URB2: variants seen among roughly 807,000 people sequenced by gnomAD.
URB2 encodes the protein URB2 ribosome biogenesis homolog.
A neutral mutation model predicts 120.9 loss-of-function variants in URB2; 86 were observed. The ratio of observed to expected loss-of-function variants is 0.71; its 90% CI spans 0.60 to 0.85. URB2 has a LOEUF of 0.85. Ranked by LOEUF, URB2 falls within the 40% of genes least tolerant of loss-of-function variation. The pLI is 0.00. For synonymous variants in URB2, 755 were observed against 758.4 expected, an observed-to-expected ratio of 1.00 and a Z score of 0.07; for missense variants, 1,765 against 1,836.5, an observed-to-expected ratio of 0.96 and a Z score of 0.71.
At chr1:229,658,784 A>C (rs542156877) in intron 9 of URB2, among the ~76,000 whole-genome samples, 1 of 152,188 alleles carries the variant, frequency 6.6e-6, no homozygotes, top group South Asian at 2.1e-4. Flanking sequence ...CCAGTTTTTT[A>C]AAATGCCCCT....
intron 4 of URB2, among the ~76,000 whole-genome samples, chr1:229,641,293 A>G (rs1666006769): frequency 1.3e-5 from 2 of 152,168 alleles, no homozygotes; most frequent in Non-Finnish European, 1.5e-5. Flanking sequence ...GATTACAGGC[A>G]TAAGCCACCG....
chr1:229,638,654 A>G (rs1247600718), intron 4 of URB2, among the ~76,000 whole-genome samples: 1 of 151,968 alleles, frequency 6.6e-6, no homozygotes, highest in Non-Finnish European at 1.5e-5. Context: ...TCAAAAAAAA[A>G]AAAAAGTACT....
In URB2 at chr1:229,647,575, T is replaced by C. The variant is rs530345106; in HGVS notation, c.3972T>C (p.Asp1324=). Residue 1324 remains aspartate (D), a synonymous_variant, in exon 7 of 10, where the codon GAT becomes GAC. Transcript: ENST00000258243. ...VSLTVVGPVL[D]VLAALLRQGE... ...TCACAGTGGTCGGGCCTGTCTTAGA[T>C]GTCCTGGCTGCACTGCTGCGGCAGG... 7 of 1,614,220 alleles carry C rather than the reference T, an allele frequency of 4.3e-6. No homozygotes were observed. The highest frequency in any genetic ancestry group is 3.3e-5 in the South Asian group (3 of 91,082).
chr1:229,627,545 A>G, intron 1 of URB2, 76 bp from the exon 2 acceptor site: 4 of 1,412,174 alleles, frequency 2.8e-6, no homozygotes, highest in Non-Finnish European at 2.9e-6. Flanking sequence ...CAGTACTGCA[A>G]TACTGTTGGT....
At chr1:229,634,876 T>G in intron 3 of URB2, 41 bp from the exon 4 acceptor site, 2 of 1,498,528 alleles carry the variant, frequency 1.3e-6, no homozygotes, top group Non-Finnish European at 1.8e-6. Context: ...ATGTATGGGT[T>G]TAAGGTCAGT....
chr1:229,654,132 T>A, intron 8 of URB2, 117 bp from the exon 9 acceptor site: 2 of 1,453,398 alleles, frequency 1.4e-6, no homozygotes, highest in Non-Finnish European at 1.9e-6. Context: ...AATTAAAGAG[T>A]CTGGGAAAAC....
chr1:229,639,336 C>CTT (rs200235230), intron 4 of URB2, among the ~76,000 whole-genome samples: 4,550 of 135,070 alleles, frequency 0.034, 285 homozygotes, highest in African/African-American at 0.11. Flanking sequence ...CACTTAATTT[C>CTT]TTTTTTTTTT....
In URB2 at chr1:229,652,798, A is replaced by C. The variant is rs532410608; in HGVS notation, c.4238-1451A>C. Among the ~76,000 whole-genome samples the C allele has an allele frequency of 3.6e-3, 551 of 152,358 alleles. 5 individuals carry two copies. Among genetic ancestry groups the C allele is most frequent in the African/African-American group, 0.013 (524 of 41,586 alleles). ...GCCTTGCTCAGCAGTGGTGGAGCAC[A>C]GCCTGGTCACACTGCCACAGGCATG... On this transcript the variant is annotated intron_variant, in intron 8 of 9. Coordinates refer to ENST00000258243, the MANE Select transcript of URB2 (RefSeq NM_014777.4).
Position 229,635,370 on chromosome 1 carries a change from TC to T in URB2, c.759del (p.Tyr254ThrfsTer13). The T allele has an allele frequency of 6.2e-7, 1 of 1,614,102 alleles. No individual in the cohort carries two copies. Among genetic ancestry groups the T allele is most frequent in the Non-Finnish European group, 8.5e-7 (1 of 1,179,994 alleles). On this transcript the variant is annotated frameshift_variant, in exon 4 of 10. Transcript: ENST00000258243. LOFTEE classifies it high-confidence loss of function. ...GGIFQPELLS[S>X]YKEGLLDQQQ... is the part of the protein sequence containing the mutation. ...GATTTTTCAGCCTGAGCTACTGTCA[TC>T]CTACAAGGAGGGGCTCTTGGACCAG...
chr1:229,650,696 G>C (rs1039168260), intron 7 of URB2, among the ~76,000 whole-genome samples: 13 of 152,152 alleles, frequency 8.5e-5, no homozygotes, highest in African/African-American at 2.7e-4. Context: ...CTCCCAAAGT[G>C]CTGGGATTAT....
In URB2 at chr1:229,635,384, G is replaced by T. The variant is rs115127459; in HGVS notation, c.771G>T (p.Gly257=). 2 of 1,614,130 alleles carry T rather than the reference G, an allele frequency of 1.2e-6. No individual in the cohort carries two copies. Among genetic ancestry groups the T allele is most frequent in the East Asian group, 4.5e-5 (2 of 44,890 alleles). The change falls in exon 4 of 10, where the codon GGG becomes GGT. Residue 257 remains glycine (G), a synonymous_variant. Coordinates refer to ENST00000258243, the MANE Select transcript of URB2 (RefSeq NM_014777.4). The part of the protein sequence containing the change: ...QPELLSSYKE[G]LLDQQQGDVK... Reference sequence around the variant, plus strand: ...AGCTACTGTCATCCTACAAGGAGGGGCTCTTGGACCAGCAGCAAGGGGATG... The same window carrying T: ...AGCTACTGTCATCCTACAAGGAGGGTCTCTTGGACCAGCAGCAAGGGGATG...
chr1:229,647,669 G>T lies in URB2; in HGVS notation c.4066G>T (p.Asp1356Tyr), dbSNP rs1318481678. ...AFSILLTVPL[D>Y]HLKPLEYGSV... ...CAGCATCCTTCTCACTGTCCCTTTG[G>T]ACCATCTGAAGCCGCTGGAGTATGG... Residue 1356 changes from aspartate (D) to tyrosine (Y), a missense_variant, in exon 7 of 10, where the codon GAC becomes TAC. Transcript: ENST00000258243. The T allele has an allele frequency of 6.2e-7, 1 of 1,613,962 alleles. No individual in the cohort carries two copies. The highest frequency in any genetic ancestry group is 8.5e-7 in the Non-Finnish European group (1 of 1,180,028).
chr1:229,632,947 T>C (rs978576926), intron 3 of URB2, among the ~76,000 whole-genome samples: 1 of 152,176 alleles, frequency 6.6e-6, no homozygotes, highest in Non-Finnish European at 1.5e-5. Flanking sequence ...AGGAACTTCA[T>C]TGTCAAAACT....
At chr1:229,655,346 G>C (rs1295451463) in intron 9 of URB2, among the ~76,000 whole-genome samples, 1 of 152,272 alleles carries the variant, frequency 6.6e-6, no homozygotes, top group East Asian at 1.9e-4. Context: ...TGATTCTTCT[G>C]CCTCAGCCCC....
chr1:229,629,438 G>A (rs1289536416), intron 2 of URB2, among the ~76,000 whole-genome samples: 3 of 152,242 alleles, frequency 2.0e-5, no homozygotes, highest in African/African-American at 7.2e-5. Flanking sequence ...TGCAGGTTTG[G>A]TTCCACGTCA....
intron 9 of URB2, among the ~76,000 whole-genome samples, chr1:229,656,785 A>G (rs1193701724): frequency 6.6e-6 from 1 of 152,192 alleles, no homozygotes; most frequent in Non-Finnish European, 1.5e-5. Context: ...CCAAGCAGTA[A>G]TGAGTCCCCA....
At chr1:229,633,726 A>C (rs1458155573) in intron 3 of URB2, among the ~76,000 whole-genome samples, 1 of 152,232 alleles carries the variant, frequency 6.6e-6, no homozygotes, top group East Asian at 1.9e-4. Flanking sequence ...TGAATTATAG[A>C]ATCTGCCTGA....
At position 229,636,469 on chromosome 1, in the gene URB2, T is replaced by C. The variant is rs552443163; in HGVS notation, c.1856T>C (p.Met619Thr). The C allele has an allele frequency of 4.3e-6, 7 of 1,614,242 alleles. No individual in the cohort carries two copies. Among genetic ancestry groups the C allele is most frequent in the South Asian group, 3.3e-5 (3 of 91,086 alleles). The change falls in exon 4 of 10, where the codon ATG becomes ACG. Residue 619 changes from methionine to threonine, a missense_variant. Transcript: ENST00000258243. ...TACACTTGGGCCCAGGTGGACGCTATGTTCAGTTTGAACTGTAGCCAGTAT... is the reference window on the plus strand; with the variant it reads ...TACACTTGGGCCCAGGTGGACGCTACGTTCAGTTTGAACTGTAGCCAGTAT... ...LSYTWAQVDA[M>T]FSLNCSQYHS...
Position 229,636,081 on chromosome 1 carries a change from C to G in URB2, c.1468C>G (p.Leu490Val), listed in dbSNP as rs779393959. 1 of 1,614,248 alleles carries G rather than the reference C, an allele frequency of 6.2e-7. No homozygotes were observed. The highest frequency in any genetic ancestry group is 1.1e-5 in the South Asian group (1 of 91,088). ...TGCTGAGGCACTGAGGCAGCCTGTGCTGGCCTCGGGCCCCTCCACGGTACT... is the reference window on the plus strand; with the variant it reads ...TGCTGAGGCACTGAGGCAGCCTGTGGTGGCCTCGGGCCCCTCCACGGTACT... ...PAAEALRQPV[L>V]ASGPSTVLSA... Residue 490 changes from leucine to valine, a missense_variant, in exon 4 of 10, where the codon CTG becomes GTG. Coordinates refer to ENST00000258243, the MANE Select transcript of URB2 (RefSeq NM_014777.4).
Sources: allele counts gnomAD v4.1 joint callset (sites outside exome capture counted in the v4.1 genomes callset), GRCh38; gene constraint gnomAD v4.1.1; transcripts MANE v1.5; gene names NCBI Gene and HGNC (gene_info 2026-07-23, HGNC 2026-07-21).